The following KDM4C variants were observed in gnomAD, a reference collection of about 807,000 sequenced individuals.
KDM4C encodes the protein lysine demethylase 4C.
Under a neutral mutation model 129.3 loss-of-function variants are expected in KDM4C, and 81 were observed. The observed-to-expected ratio is 0.63, with a 90% CI of 0.52 to 0.75. KDM4C has a LOEUF of 0.75. Among genes scored for constraint, KDM4C ranks in the 30% least tolerant of loss-of-function variants. The pLI is 0.00. For missense variants in KDM4C, 1,457 were observed against 1,304.0 expected (o/e 1.12, Z -1.81); for synonymous variants, 573 against 456.1 (o/e 1.26, Z -3.26).
At chr9:6,909,434 C>A (rs550948247) in intron 8 of KDM4C, among the ~76,000 whole-genome samples, 1 of 152,146 alleles carries the variant, frequency 6.6e-6, no homozygotes, top group African/African-American at 2.4e-5. Context: ...CTAGCACATC[C>A]AGTGGCATTG....
intron 15 of KDM4C, among the ~76,000 whole-genome samples, chr9:7,028,803 C>T (rs1399630749): frequency 6.6e-6 from 1 of 152,170 alleles, no homozygotes; most frequent in Admixed American, 6.5e-5. Context: ...GGGCAGGCGC[C>T]AGGTCAGCTC....
intron 8 of KDM4C, among the ~76,000 whole-genome samples, chr9:6,929,608 A>G (rs1823293144): frequency 6.6e-6 from 1 of 151,430 alleles, no homozygotes; most frequent in Non-Finnish European, 1.5e-5. Context: ...GGTCTGTCCT[A>G]ATGGGTAGAC....
intron 12 of KDM4C, among the ~76,000 whole-genome samples, chr9:7,000,268 A>G (rs1820491624): frequency 6.6e-6 from 1 of 152,176 alleles, no homozygotes; most frequent in Non-Finnish European, 1.5e-5. Flanking sequence ...TTATTATGCT[A>G]GTGGCTTGGT....
chr9:6,801,641 G>GTCTCTC (rs752049998), intron 2 of KDM4C, among the ~76,000 whole-genome samples: 1,471 of 133,212 alleles, frequency 0.011, 29 homozygotes, highest in African/African-American at 0.04. Flanking sequence ...CTCTCTCTCT[G>GTCTCTC]TCTCTCTCTC....
chr9:6,993,940 G>T (rs1376709632), intron 12 of KDM4C, among the ~76,000 whole-genome samples: 1 of 151,356 alleles, frequency 6.6e-6, no homozygotes, highest in Non-Finnish European at 1.5e-5. Flanking sequence ...TGCGACGTGA[G>T]TCTTCCTTTC....
At chr9:7,141,241 A>G (rs1297524558) in intron 19 of KDM4C, among the ~76,000 whole-genome samples, 1 of 152,234 alleles carries the variant, frequency 6.6e-6, no homozygotes, top group Non-Finnish European at 1.5e-5. Context: ...TGGTTAGGCC[A>G]GTAGAACCCC....
At chr9:7,019,713 A>ATTATATTTTTATATAT (rs1563992834) in intron 15 of KDM4C, among the ~76,000 whole-genome samples, 60 of 105,370 alleles carry the variant, frequency 5.7e-4, no homozygotes, top group African/African-American at 2.5e-3. Flanking sequence ...TTTTATATAT[A>ATTATATTTTTATATAT]AAAATATAAT....
At chr9:7,084,199 T>C (rs1252895689) in intron 17 of KDM4C, among the ~76,000 whole-genome samples, 1 of 152,184 alleles carries the variant, frequency 6.6e-6, no homozygotes, top group East Asian at 1.9e-4. Flanking sequence ...GTGCCACTAC[T>C]CAGCTGAAGC....
At chr9:6,946,034 G>C (rs1826903186) in intron 8 of KDM4C, among the ~76,000 whole-genome samples, 1 of 152,040 alleles carries the variant, frequency 6.6e-6, no homozygotes, top group Non-Finnish European at 1.5e-5. Flanking sequence ...TGAATTCCTT[G>C]GTATGAAAAA....
intron 1 of KDM4C, among the ~76,000 whole-genome samples, chr9:6,735,947 T>C (rs1223401102): frequency 1.3e-5 from 2 of 152,160 alleles, no homozygotes; most frequent in Non-Finnish European, 2.9e-5. Flanking sequence ...GATAGTATTA[T>C]GGACAATAAA....
chr9:7,155,163 C>T (rs1843037424), intron 19 of KDM4C, among the ~76,000 whole-genome samples: 1 of 152,068 alleles, frequency 6.6e-6, no homozygotes, highest in Non-Finnish European at 1.5e-5. Context: ...TTAATGTGTG[C>T]CCCAGGGTTG....
intron 10 of KDM4C, among the ~76,000 whole-genome samples, chr9:6,985,626 C>T (rs946195167): frequency 6.6e-6 from 1 of 152,184 alleles, no homozygotes; most frequent in Non-Finnish European, 1.5e-5. Flanking sequence ...AAGGGAATTA[C>T]AACAAATGCA....
At chr9:6,748,265 T>G (rs1817949461) in intron 1 of KDM4C, among the ~76,000 whole-genome samples, 1 of 151,524 alleles carries the variant, frequency 6.6e-6, no homozygotes, top group African/African-American at 2.4e-5. Context: ...CCCAGCACTT[T>G]GGGAGGCTGA....
intron 14 of KDM4C, among the ~76,000 whole-genome samples, chr9:7,015,387 A>G (rs975128350): frequency 6.6e-6 from 1 of 152,198 alleles, no homozygotes; most frequent in Non-Finnish European, 1.5e-5. Context: ...AACTGAATAG[A>G]CAAATCGAAT....
chr9:6,823,558 A>G (rs1187939518), intron 4 of KDM4C, among the ~76,000 whole-genome samples: 3 of 152,096 alleles, frequency 2.0e-5, no homozygotes, highest in Admixed American at 1.3e-4. Flanking sequence ...GTTTCAGACC[A>G]TTTTGCACTT....
chr9:7,071,155 A>G (rs1833140547), intron 17 of KDM4C, among the ~76,000 whole-genome samples: 3 of 152,234 alleles, frequency 2.0e-5, no homozygotes, highest in Admixed American at 6.5e-5. Flanking sequence ...CTAATAAAGG[A>G]AATCAAAGAA....
chr9:7,129,360 C>T (rs1030000267), intron 19 of KDM4C, among the ~76,000 whole-genome samples: 2 of 152,092 alleles, frequency 1.3e-5, no homozygotes, highest in African/African-American at 4.8e-5. Flanking sequence ...ACAAAAGTGA[C>T]CTTATTTGAA....
chr9:6,871,323 G>C (rs931189946), intron 5 of KDM4C, among the ~76,000 whole-genome samples: 1 of 152,170 alleles, frequency 6.6e-6, no homozygotes, highest in Non-Finnish European at 1.5e-5. Context: ...TTTCACAACT[G>C]CAGGGCTATA....
intron 8 of KDM4C, among the ~76,000 whole-genome samples, chr9:6,971,446 TGTAGA>T (rs1169329570): frequency 6.6e-6 from 1 of 152,228 alleles, no homozygotes; most frequent in East Asian, 1.9e-4. Flanking sequence ...AATGAATCTC[TGTAGA>T]GTAAAAATAC....
Sources: allele counts gnomAD v4.1 joint callset (sites outside exome capture counted in the v4.1 genomes callset), GRCh38; gene constraint gnomAD v4.1.1; transcripts MANE v1.5; gene names NCBI Gene and HGNC (gene_info 2026-07-23, HGNC 2026-07-21).